The following EBF2 variants were observed in gnomAD, a reference collection of about 807,000 sequenced individuals.
EBF2 encodes the protein EBF transcription factor 2.
Under a neutral mutation model 72.8 loss-of-function variants are expected in EBF2, and 21 were observed. The ratio of observed to expected loss-of-function variants is 0.29; its 90% confidence interval spans 0.20 to 0.42. EBF2 has a LOEUF of 0.42. Among genes scored for constraint, EBF2 ranks in the 10% least tolerant of loss-of-function variants. EBF2 has a pLI of 1.00. For synonymous variants in EBF2, 299 were observed against 274.2 expected, an observed-to-expected ratio of 1.09 and a Z score of -0.89; for missense variants, 637 against 731.2, an observed-to-expected ratio of 0.87 and a Z score of 1.49.
At chr8:25,883,946 CT>C (rs2117286620) in intron 10 of EBF2, among the ~76,000 whole-genome samples, 1 of 152,214 alleles carries the variant, frequency 6.6e-6, no homozygotes, top group East Asian at 1.9e-4. Flanking sequence ...TCCCAGGTTC[CT>C]CCTGTCATCT....
At chr8:25,863,136 T>C (rs919398846) in intron 10 of EBF2, among the ~76,000 whole-genome samples, 2 of 151,860 alleles carry the variant, frequency 1.3e-5, no homozygotes, top group African/African-American at 2.4e-5. Flanking sequence ...CTTTCTCTTA[T>C]CTCTTTCTTA....
chr8:25,845,603 G>A (rs552854328), intron 15 of EBF2, among the ~76,000 whole-genome samples: 17 of 152,108 alleles, frequency 1.1e-4, no homozygotes, highest in African/African-American at 2.4e-4. Context: ...AAAAGGATTC[G>A]GACAATGCCT....
chr8:25,977,873 G>A (rs1050240521), intron 6 of EBF2, among the ~76,000 whole-genome samples: 2 of 152,228 alleles, frequency 1.3e-5, no homozygotes. Context: ...AGAAAGCAAC[G>A]TCTGTGATGC....
intron 6 of EBF2, among the ~76,000 whole-genome samples, chr8:25,970,701 G>A (rs1246552450): frequency 6.6e-6 from 1 of 152,160 alleles, no homozygotes; most frequent in Non-Finnish European, 1.5e-5. Context: ...GTTGGTGCTT[G>A]CATTATTGCT....
chr8:25,866,350 G>A (rs1253536569), intron 10 of EBF2, among the ~76,000 whole-genome samples: 1 of 149,286 alleles, frequency 6.7e-6, no homozygotes, highest in African/African-American at 2.5e-5. Context: ...GTTCAATAAG[G>A]GTTCAATAAG....
At chr8:25,916,965 G>A (rs903328574) in intron 6 of EBF2, among the ~76,000 whole-genome samples, 28 of 152,162 alleles carry the variant, frequency 1.8e-4, no homozygotes, top group African/African-American at 6.8e-4. Flanking sequence ...CCCCCACTAT[G>A]TAAATCTGAC....
intron 9 of EBF2, among the ~76,000 whole-genome samples, chr8:25,887,598 T>C (rs1441799951): frequency 6.6e-6 from 1 of 152,142 alleles, no homozygotes; most frequent in Non-Finnish European, 1.5e-5. Flanking sequence ...TTTTCCTGTA[T>C]CATTCGAATT....
rs951488621 is a variant in EBF2 at position 25,951,876 on chromosome 8, C to A, written c.552-43321G>T. ...AAGGTCAAGATGAACATTCAGAATT[C>A]GTCGGAAATCATTTTTCATTAATCA... On this transcript the variant is annotated intron_variant, in intron 6 of 15. Coordinates refer to ENST00000520164, the MANE Select transcript of EBF2 (RefSeq NM_022659.4). Among the ~76,000 whole-genome samples the A allele has an allele frequency of 7.2e-5, 11 of 152,032 alleles. 1 individual carries two copies. Among genetic ancestry groups the A allele is most frequent in the African/African-American group, 2.7e-4 (11 of 41,400 alleles).
Position 25,996,901 on chromosome 8 carries a change from G to A in EBF2, c.551+36184C>T, listed in dbSNP as rs529040417. Among the ~76,000 whole-genome samples the A allele has an allele frequency of 1.6e-3, 250 of 152,192 alleles. 4 individuals carry two copies. The South Asian group carries it at 0.046, about 28-fold the overall frequency. On this transcript the variant is annotated intron_variant, in intron 6 of 15. Coordinates refer to ENST00000520164, the MANE Select transcript of EBF2 (RefSeq NM_022659.4). ...TTTTTTAAATTGTGAAGAATACTAC[G>A]TATAATCATGTGCTAATAAGTATAA...
At chr8:25,992,857 C>T (rs1046921172) in intron 6 of EBF2, among the ~76,000 whole-genome samples, 4 of 151,574 alleles carry the variant, frequency 2.6e-5, no homozygotes, top group Non-Finnish European at 5.9e-5. Flanking sequence ...TGAGCTATCA[C>T]CCCACTGCAC....
intron 10 of EBF2, among the ~76,000 whole-genome samples, chr8:25,882,553 T>A (rs1484435258): frequency 6.6e-6 from 1 of 152,170 alleles, no homozygotes; most frequent in Non-Finnish European, 1.5e-5. Context: ...TATAAACCCA[T>A]GATTTAAAAA....
intron 7 of EBF2, among the ~76,000 whole-genome samples, chr8:25,897,199 A>G: frequency 6.6e-6 from 1 of 151,298 alleles, no homozygotes; most frequent in Admixed American, 6.6e-5. Context: ...ACTCCTGAGA[A>G]GACGTGCTCT....
chr8:26,000,820 T>C (rs919451481), intron 6 of EBF2, among the ~76,000 whole-genome samples: 1 of 152,120 alleles, frequency 6.6e-6, no homozygotes, highest in African/African-American at 2.4e-5. Flanking sequence ...CCAACAACAA[T>C]CAACAGGCAC....
At chr8:25,874,409 A>G (rs1372888541) in intron 10 of EBF2, among the ~76,000 whole-genome samples, 1 of 141,358 alleles carries the variant, frequency 7.1e-6, no homozygotes, top group Non-Finnish European at 1.6e-5. Flanking sequence ...AATAATGAAC[A>G]GAAAAAAAAA....
chr8:25,865,512 A>C (rs1019339656), intron 10 of EBF2, among the ~76,000 whole-genome samples: 1 of 152,092 alleles, frequency 6.6e-6, no homozygotes, highest in African/African-American at 2.4e-5. Flanking sequence ...TGAGCTGTTT[A>C]AAATCCATTT....
At chr8:26,007,036 G>A (rs1585224943) in intron 6 of EBF2, among the ~76,000 whole-genome samples, 1 of 152,214 alleles carries the variant, frequency 6.6e-6, no homozygotes, top group Non-Finnish European at 1.5e-5. Context: ...AGCCACAGAA[G>A]CAAAGGAATT....
chr8:25,919,153 G>C (rs962801305), intron 6 of EBF2, among the ~76,000 whole-genome samples: 2 of 152,148 alleles, frequency 1.3e-5, no homozygotes, highest in Non-Finnish European at 2.9e-5. Flanking sequence ...ACTGAAAAAT[G>C]TGAAAACTAT....
chr8:26,003,374 T>C (rs1483492382), intron 6 of EBF2, among the ~76,000 whole-genome samples: 1 of 152,164 alleles, frequency 6.6e-6, no homozygotes, highest in African/African-American at 2.4e-5. Context: ...TTTCGAAATG[T>C]TTCTTACAGC....
intron 6 of EBF2, among the ~76,000 whole-genome samples, chr8:26,005,293 A>ATAATATATAATTATATAATTATAT (rs1378946857): frequency 0.1 from 239 of 2,308 alleles, 1 homozygote; most frequent in East Asian, 0.36. Context: ...ATAATTATAT[A>ATAATATATAATTATATAATTATAT]ATTATATATA....
Sources: allele counts gnomAD v4.1 joint callset (sites outside exome capture counted in the v4.1 genomes callset), GRCh38; gene constraint gnomAD v4.1.1; transcripts MANE v1.5; gene names NCBI Gene and HGNC (gene_info 2026-07-23, HGNC 2026-07-21).